Variants in FBXO34 observed in about 807,000 individuals in gnomAD.
The protein encoded by FBXO34 is F-box only protein 34.
In FBXO34, 12 loss-of-function variants were observed where a neutral mutation model predicts 24.5. The ratio of observed to expected loss-of-function variants is 0.49; its 90% CI spans 0.31 to 0.79. The LOEUF is 0.79. Ranked by LOEUF, FBXO34 falls within the 30% of genes least tolerant of loss-of-function variation. FBXO34 has a pLI of 0.04. For synonymous variants in FBXO34, 320 were observed against 311.9 expected, an observed-to-expected ratio of 1.03 and a Z score of -0.27; for missense variants, 823 against 857.7, an observed-to-expected ratio of 0.96 and a Z score of 0.51.
chr14:55,440,015 G>C, the FBXO34 span, among the ~76,000 whole-genome samples: 1 of 151,266 alleles, frequency 6.6e-6, no homozygotes. Context: ...CACGAGAATC[G>C]CTTGAACCCA....
At chr14:55,299,166 G>T in intron 1 of FBXO34, 1 of 1,065,426 alleles carries the variant, frequency 9.4e-7, no homozygotes, top group Non-Finnish European at 1.5e-6. Flanking sequence ...CAGTGGCCCC[G>T]AAACAGTCCC....
chr14:55,319,435 GTTC>G (rs148351465), intron 1 of FBXO34, among the ~76,000 whole-genome samples: 1,719 of 152,238 alleles, frequency 0.011, 14 homozygotes, highest in Middle Eastern at 0.027. Context: ...ACAACTTTTT[GTTC>G]TTCTTCTTTC....
Position 55,352,425 on chromosome 14 carries a change from A to G in FBXO34, c.2035A>G (p.Lys679Glu). 1 of 1,614,210 alleles carries G rather than the reference A, an allele frequency of 6.2e-7. No homozygotes were observed. The highest frequency in any genetic ancestry group is 8.5e-7 in the Non-Finnish European group (1 of 1,180,020). Residue 679 changes from lysine to glutamate, a missense_variant, in exon 2 of 2, where the codon AAG becomes GAG. By Grantham distance (56) the Lys-to-Glu change is moderately conservative. Coordinates refer to ENST00000313833, the MANE Select transcript of FBXO34 (RefSeq NM_017943.4). ...HRSQKGFPGCKLGLHDNHWVP... is the reference protein window; with the variant it reads ...HRSQKGFPGCELGLHDNHWVP... ...GTCTCAGAAAGGATTCCCTGGCTGTAAGCTGGGGCTTCATGACAATCACTG... is the reference window on the plus strand; with the variant it reads ...GTCTCAGAAAGGATTCCCTGGCTGTGAGCTGGGGCTTCATGACAATCACTG...
At chr14:55,437,548 G>A in the FBXO34 span, among the ~76,000 whole-genome samples, 1 of 152,180 alleles carries the variant, frequency 6.6e-6, no homozygotes, top group African/African-American at 2.4e-5. Context: ...TGCAGAAAAA[G>A]CATTCTTCAT....
At chr14:55,348,676 C>T (rs1291166505) in intron 1 of FBXO34, among the ~76,000 whole-genome samples, 1 of 152,214 alleles carries the variant, frequency 6.6e-6, no homozygotes, top group African/African-American at 2.4e-5. Context: ...GCTCCTATTT[C>T]AGGGGTAACT....
downstream of FBXO34, among the ~76,000 whole-genome samples, chr14:55,374,244 C>CTG (rs1359626715): frequency 1.3e-5 from 2 of 151,910 alleles, no homozygotes; most frequent in Admixed American, 1.3e-4. Flanking sequence ...GGGGGTCTCA[C>CTG]TGTGTTGCCC....
chr14:55,354,040 G>A (rs1884481411), downstream of FBXO34, among the ~76,000 whole-genome samples: 3 of 152,138 alleles, frequency 2.0e-5, no homozygotes, highest in Non-Finnish European at 2.9e-5. Context: ...GACCAGTGTC[G>A]GCTGCAGGCT....
chr14:55,411,765 G>C, the FBXO34 span: 1 of 1,605,812 alleles, frequency 6.2e-7, no homozygotes, highest in Non-Finnish European at 8.5e-7. Flanking sequence ...GCGAGCGGCC[G>C]GGGCCCGCAG....
intron 1 of FBXO34, among the ~76,000 whole-genome samples, chr14:55,345,164 C>T (rs969712251): frequency 6.6e-6 from 1 of 152,140 alleles, no homozygotes; most frequent in Admixed American, 6.5e-5. Context: ...CTCCCCTGCT[C>T]CAAGTATGCT....
chr14:55,306,094 C>T (rs1288876603), intron 1 of FBXO34, among the ~76,000 whole-genome samples: 1 of 152,208 alleles, frequency 6.6e-6, no homozygotes, highest in Non-Finnish European at 1.5e-5. Flanking sequence ...TTTTCCCAGT[C>T]ATTAAAAACA....
intron 1 of FBXO34, chr14:55,282,206 G>A (rs1881574289): frequency 4.9e-6 from 1 of 203,104 alleles, no homozygotes; most frequent in Non-Finnish European, 1.0e-5. Context: ...TGTTGGCCAA[G>A]ATGATCTTGA....
the FBXO34 span, chr14:55,381,984 C>T: frequency 3.1e-6 from 5 of 1,614,018 alleles, no homozygotes; most frequent in Middle Eastern, 1.6e-4. Context: ...TTGTTTTCTT[C>T]TCCTCCACCC....
At chr14:55,288,788 C>T (rs562803427) in intron 1 of FBXO34, among the ~76,000 whole-genome samples, 1 of 152,232 alleles carries the variant, frequency 6.6e-6, no homozygotes, top group Admixed American at 6.5e-5. Context: ...TGGTGGCTCA[C>T]GCCTGTAATA....
intron 1 of FBXO34, among the ~76,000 whole-genome samples, chr14:55,325,427 CAT>C: frequency 6.6e-6 from 1 of 151,712 alleles, no homozygotes; most frequent in Non-Finnish European, 1.5e-5. Context: ...TACAGTCTAA[CAT>C]GTTTATTTTC....
At chr14:55,359,013 C>A (rs1464654072) in intron 3 of FBXO34, among the ~76,000 whole-genome samples, 1 of 151,870 alleles carries the variant, frequency 6.6e-6, no homozygotes, top group African/African-American at 2.4e-5. Flanking sequence ...AGGGAAGGAG[C>A]CAGGGAATGA....
At chr14:55,366,319 A>T (rs1884677613), downstream of FBXO34, 1 of 152,656 alleles carries the variant, frequency 6.6e-6, no homozygotes, top group African/African-American at 2.4e-5. Flanking sequence ...TCCAGGGTTC[A>T]ATCTCATTCT....
chr14:55,306,831 T>TCAAAACAAAA (rs397787405), intron 1 of FBXO34, among the ~76,000 whole-genome samples: 47,138 of 150,910 alleles, frequency 0.31, 7,584 homozygotes, highest in Non-Finnish European at 0.33. Context: ...AGACTCCATC[T>TCAAAACAAAA]CAAAACAAAA....
chr14:55,382,835 A>G, the FBXO34 span, among the ~76,000 whole-genome samples: 1 of 152,220 alleles, frequency 6.6e-6, no homozygotes, highest in Non-Finnish European at 1.5e-5. Context: ...TTGGAATTCC[A>G]AAGAACTTTT....
At chr14:55,334,401 A>G (rs991238760) in intron 1 of FBXO34, among the ~76,000 whole-genome samples, 1 of 152,140 alleles carries the variant, frequency 6.6e-6, no homozygotes, top group African/African-American at 2.4e-5. Flanking sequence ...ATGGACACAG[A>G]AAAGAATAAG....
Sources: allele counts gnomAD v4.1 joint callset (sites outside exome capture counted in the v4.1 genomes callset), GRCh38; gene constraint gnomAD v4.1.1; transcripts MANE v1.5; gene names NCBI Gene and HGNC (gene_info 2026-07-23, HGNC 2026-07-21).